The following WFDC1 variants were observed in gnomAD, a reference collection of about 807,000 sequenced individuals.
WFDC1 encodes WAP four-disulfide core domain 1.
A neutral mutation model predicts 32.9 loss-of-function variants in WFDC1; 39 were observed. The ratio of observed to expected loss-of-function variants is 1.19; its 90% CI spans 0.92 to 1.55. WFDC1 has a LOEUF of 1.55. Ranked by LOEUF, WFDC1 falls within the 40% of genes most tolerant of loss-of-function variation. The probability of loss-of-function intolerance (pLI) is 0.00; values close to 1 mark genes in which losing one functional copy is unlikely to be tolerated. For missense variants in WFDC1, 386 were observed against 309.5 expected (o/e 1.25, Z -1.85); for synonymous variants, 184 against 137.4 (o/e 1.34, Z -2.37).
At chr16:84,322,308 T>C (rs905447723) in intron 4 of WFDC1, among the ~76,000 whole-genome samples, 2 of 152,120 alleles carry the variant, frequency 1.3e-5, no homozygotes, top group African/African-American at 2.4e-5. Flanking sequence ...AATTTACTGG[T>C]AATTATATAT....
Position 84,313,025 on chromosome 16 carries a change from C to T in WFDC1, c.209C>T (p.Pro70Leu). 1 of 1,327,070 alleles carries T rather than the reference C, an allele frequency of 7.5e-7. No individual in the cohort carries two copies. The highest frequency in any genetic ancestry group is 3.2e-5 in the East Asian group (1 of 31,450). 82.2% of individuals were successfully genotyped at this position (1,327,070 alleles called of 1,614,324 possible). A position where few individuals can be genotyped will look rare whatever the true frequency, so the allele number is the denominator to read the frequency against. ...CGAGCAGACCGCTGCCCGCCGCCTC[C>T]GCGGACGCTGCCCCCCGGCGCCTGC... ...QPRADRCPPP[P>L]RTLPPGACQA... The change falls in exon 2 of 7, where the codon CCG becomes CTG. Residue 70 changes from proline (P) to leucine (L), a missense_variant. Physicochemically the swap from Pro to Leu is moderately conservative, Grantham distance 98. Coordinates refer to ENST00000219454, the MANE Select transcript of WFDC1 (RefSeq NM_021197.4).
chr16:84,318,919 T>C lies in WFDC1; in HGVS notation c.422-512T>C, dbSNP rs1908127517. On this transcript the variant is annotated intron_variant, in intron 3 of 6. Coordinates refer to ENST00000219454, the MANE Select transcript of WFDC1 (RefSeq NM_021197.4). ...GCCTGTGGCTGAATATTTGTGTGTG[T>C]GTGTGTGTGTGTGTGTGTGTGTGCA... 5 of 141,796 alleles carry C rather than the reference T, an allele frequency of 3.5e-5. 1 individual carries two copies. In the South Asian group the frequency reaches 7.0e-4, roughly 20 times the overall value. 8.8% of individuals were successfully genotyped at this position (141,796 alleles called of 1,614,324 possible).
rs529712983 is a variant in WFDC1 at position 84,304,797 on chromosome 16, G to C, written c.145-8164G>C. Among the ~76,000 whole-genome samples, 7 of 152,314 alleles carry C rather than the reference G, an allele frequency of 4.6e-5. No individual in the cohort carries two copies. In the South Asian group the frequency reaches 1.4e-3, roughly 32 times the overall value. ...CAACATAAGCTGGGAGGGAAGGGCTGCAAAGAGGGGGCCAGGACAAATGTG... is the reference window on the plus strand; with the variant it reads ...CAACATAAGCTGGGAGGGAAGGGCTCCAAAGAGGGGGCCAGGACAAATGTG... On this transcript the variant is annotated intron_variant, in intron 1 of 6. Coordinates refer to ENST00000219454, the MANE Select transcript of WFDC1 (RefSeq NM_021197.4).
At chr16:84,297,617 C>CAAAAAAA (rs150683526) in intron 1 of WFDC1, among the ~76,000 whole-genome samples, 31 of 69,462 alleles carry the variant, frequency 4.5e-4, no homozygotes, top group African/African-American at 5.2e-4. Context: ...AACTCTGTCT[C>CAAAAAAA]AAAAAAAAAA....
chr16:84,301,276 T>A (rs1464032354), intron 1 of WFDC1, among the ~76,000 whole-genome samples: 1 of 152,202 alleles, frequency 6.6e-6, no homozygotes, highest in African/African-American at 2.4e-5. Flanking sequence ...GGCATTTTGT[T>A]GCAGCACCCT....
Sources: allele counts gnomAD v4.1 joint callset (sites outside exome capture counted in the v4.1 genomes callset), GRCh38; gene constraint gnomAD v4.1.1; transcripts MANE v1.5; gene names NCBI Gene and HGNC (gene_info 2026-07-23, HGNC 2026-07-21).